DLC1: variants seen among roughly 807,000 people sequenced by gnomAD.
DLC1 encodes rho GTPase-activating protein 7.
A neutral mutation model predicts 140.3 loss-of-function variants in DLC1; 54 were observed. That is an observed-to-expected ratio of 0.38 (90% confidence interval 0.31 to 0.48). The LOEUF (loss-of-function observed/expected upper bound fraction) is 0.48. DLC1 is among the 20% of genes least tolerant of loss of function. The probability of loss-of-function intolerance (pLI) is 0.96; values close to 1 mark genes in which losing one functional copy is unlikely to be tolerated. For synonymous variants in DLC1, 986 were observed against 728.1 expected (o/e 1.35, Z -5.70); for missense variants, 2,536 against 1,907.0 (o/e 1.33, Z -6.14).
At chr8:13,519,020 C>G (rs1443434226), upstream of DLC1, among the ~76,000 whole-genome samples, 2 of 151,818 alleles carry the variant, frequency 1.3e-5, no homozygotes, top group Non-Finnish European at 2.9e-5. Flanking sequence ...ACTATAAGTT[C>G]TAGGGTACAT....
At chr8:13,421,580 G>A (rs1838322121) in intron 2 of DLC1, among the ~76,000 whole-genome samples, 1 of 152,190 alleles carries the variant, frequency 6.6e-6, no homozygotes, top group Admixed American at 6.6e-5. Context: ...ATTAGAAAAT[G>A]TGTTGGCAGT....
intron 4 of DLC1, among the ~76,000 whole-genome samples, chr8:13,337,358 C>T (rs1833849286): frequency 6.6e-6 from 1 of 152,072 alleles, no homozygotes; most frequent in African/African-American, 2.4e-5. Flanking sequence ...TAATGGATTA[C>T]CTAATTTGTA....
At chr8:13,201,004 C>A (rs1827351064) in intron 5 of DLC1, among the ~76,000 whole-genome samples, 1 of 152,130 alleles carries the variant, frequency 6.6e-6, no homozygotes, top group South Asian at 2.1e-4. Flanking sequence ...GGAGTTGATT[C>A]AGATTACTGA....
chr8:13,449,169 C>T (rs1283164611), intron 2 of DLC1, among the ~76,000 whole-genome samples: 5 of 152,124 alleles, frequency 3.3e-5, no homozygotes, highest in Non-Finnish European at 7.3e-5. Flanking sequence ...GATCGCTGGG[C>T]TTGACAAAGA....
At chr8:13,539,549 C>T (rs528446521) in intron 1 of DLC1, among the ~76,000 whole-genome samples, 1 of 152,076 alleles carries the variant, frequency 6.6e-6, no homozygotes, top group Non-Finnish European at 1.5e-5. Flanking sequence ...GCTGAGAGCT[C>T]CTTTAAGAAC....
intron 15 of DLC1, 104 bp downstream of exon 15, chr8:13,090,148 G>C (rs1032150676): frequency 1.7e-5 from 19 of 1,106,346 alleles, no homozygotes; most frequent in African/African-American, 3.1e-5. Flanking sequence ...GAGGTTGTGG[G>C]CTACAGATCC....
chr8:13,147,849 G>A (rs980415562), intron 5 of DLC1, among the ~76,000 whole-genome samples: 5 of 152,140 alleles, frequency 3.3e-5, no homozygotes, highest in African/African-American at 7.2e-5. Context: ...TTAGCTGGGC[G>A]TGGTGGCAGG....
chr8:13,433,125 T>G (rs1005595077), intron 2 of DLC1, among the ~76,000 whole-genome samples: 5 of 152,082 alleles, frequency 3.3e-5, no homozygotes, highest in Non-Finnish European at 5.9e-5. Flanking sequence ...ACAGGATGTG[T>G]TAGCTATTGA....
intron 1 of DLC1, among the ~76,000 whole-genome samples, chr8:13,573,667 C>A (rs563545828): frequency 6.6e-6 from 1 of 152,164 alleles, no homozygotes; most frequent in East Asian, 1.9e-4. Flanking sequence ...AAAAGTGTTT[C>A]GTATTTTGTC....
intron 2 of DLC1, among the ~76,000 whole-genome samples, chr8:13,404,250 A>C (rs1335878535): frequency 6.6e-6 from 1 of 152,154 alleles, no homozygotes; most frequent in East Asian, 1.9e-4. Flanking sequence ...TGAATCTCCA[A>C]ATAGAATGAA....
chr8:13,304,199 C>G (rs914697454), intron 5 of DLC1, among the ~76,000 whole-genome samples: 2 of 151,964 alleles, frequency 1.3e-5, no homozygotes, highest in African/African-American at 4.8e-5. Context: ...AAGTAATGGC[C>G]AAAACCACAA....
chr8:13,357,648 C>T (rs1835010274), intron 4 of DLC1, among the ~76,000 whole-genome samples: 1 of 152,178 alleles, frequency 6.6e-6, no homozygotes, highest in African/African-American at 2.4e-5. Context: ...CAAGAAATTA[C>T]AAGAAGAGTG....
intron 1 of DLC1, among the ~76,000 whole-genome samples, chr8:13,502,674 C>T (rs1001793256): frequency 6.6e-6 from 1 of 152,192 alleles, no homozygotes; most frequent in Non-Finnish European, 1.5e-5. Context: ...TTGTAAAAGA[C>T]TGACTTCTCC....
At chr8:13,564,464 G>A (rs1804358822) in intron 1 of DLC1, among the ~76,000 whole-genome samples, 1 of 152,118 alleles carries the variant, frequency 6.6e-6, no homozygotes, top group African/African-American at 2.4e-5. Context: ...GATGTAAAGG[G>A]TAGAATATTT....
intron 5 of DLC1, among the ~76,000 whole-genome samples, chr8:13,278,437 T>C (rs556182455): frequency 6.6e-6 from 1 of 152,336 alleles, no homozygotes; most frequent in Admixed American, 6.5e-5. Flanking sequence ...CACCAGATGC[T>C]GTTTTAGGCC....
At chr8:13,578,607 C>T (rs1804930668) in intron 1 of DLC1, among the ~76,000 whole-genome samples, 1 of 152,114 alleles carries the variant, frequency 6.6e-6, no homozygotes, top group African/African-American at 2.4e-5. Context: ...TCCAGGGTTC[C>T]CAGGACCCTC....
intron 5 of DLC1, among the ~76,000 whole-genome samples, chr8:13,272,141 A>T (rs1830958159): frequency 6.6e-6 from 1 of 152,212 alleles, no homozygotes. Context: ...ACTTTATAAG[A>T]TGTTGTTAAA....
intron 5 of DLC1, among the ~76,000 whole-genome samples, chr8:13,295,386 C>T (rs932518566): frequency 6.6e-6 from 1 of 152,156 alleles, no homozygotes; most frequent in Non-Finnish European, 1.5e-5. Context: ...AACTTTTCTA[C>T]CTCATTACAG....
At chr8:13,305,073 T>C (rs1346160070) in intron 5 of DLC1, 196 bp downstream of exon 5, 79 of 1,247,632 alleles carry the variant, frequency 6.3e-5, no homozygotes, top group Non-Finnish European at 7.7e-5. Context: ...TCTAACACAA[T>C]GTCATTATGT....
Sources: gnomAD v4.1 joint callset for allele counts (sites outside exome capture counted in the v4.1 genomes callset) on GRCh38, gnomAD v4.1.1 for gene constraint, MANE v1.5 for transcripts, NCBI Gene and HGNC (gene_info 2026-07-23, HGNC 2026-07-21) for gene names.